The following EXOC6B variants were observed in gnomAD, a reference collection of about 807,000 sequenced individuals.
EXOC6B encodes the protein SEC15 homolog B.
Under a neutral mutation model 113.5 loss-of-function variants are expected in EXOC6B, and 54 were observed. The ratio of observed to expected loss-of-function variants is 0.48; its 90% CI spans 0.38 to 0.60. The LOEUF (loss-of-function observed/expected upper bound fraction) is 0.60. EXOC6B is among the 20% of genes least tolerant of loss of function. The pLI, the probability that EXOC6B is intolerant of heterozygous loss-of-function variation, is 0.00. For synonymous variants in EXOC6B, 357 were observed against 339.0 expected, an observed-to-expected ratio of 1.05 and a Z score of -0.58; for missense variants, 797 against 977.5, an observed-to-expected ratio of 0.82 and a Z score of 2.46.
chr2:72,588,184 T>C (rs1239415080), intron 6 of EXOC6B, among the ~76,000 whole-genome samples: 2 of 152,094 alleles, frequency 1.3e-5, no homozygotes, highest in Non-Finnish European at 2.9e-5. Flanking sequence ...TCTGGTTAAA[T>C]ATCCAAAGAA....
At chr2:72,265,953 G>C (rs1310199572) in intron 20 of EXOC6B, among the ~76,000 whole-genome samples, 1 of 151,764 alleles carries the variant, frequency 6.6e-6, no homozygotes, top group Non-Finnish European at 1.5e-5. Flanking sequence ...ATTCTAACTG[G>C]TGTGAGATGG....
chr2:72,658,350 C>T (rs1674763907), intron 6 of EXOC6B, among the ~76,000 whole-genome samples: 1 of 134,520 alleles, frequency 7.4e-6, no homozygotes, highest in African/African-American at 2.8e-5. Flanking sequence ...CCAAAAAAAG[C>T]TCAATAATTT....
intron 1 of EXOC6B, among the ~76,000 whole-genome samples, chr2:72,799,238 T>TTA (rs1559011691): frequency 4.6e-5 from 2 of 43,036 alleles, no homozygotes; most frequent in African/African-American, 4.0e-4. Flanking sequence ...AGACCCTGTC[T>TTA]CAAAAAAAAA....
intron 18 of EXOC6B, among the ~76,000 whole-genome samples, chr2:72,460,046 A>T: frequency 6.6e-6 from 1 of 151,978 alleles, no homozygotes; most frequent in Non-Finnish European, 1.5e-5. Context: ...CTCAGAAATA[A>T]CGCTGCATAT....
intron 20 of EXOC6B, among the ~76,000 whole-genome samples, chr2:72,333,860 G>A (rs1478449869): frequency 6.6e-6 from 1 of 152,026 alleles, no homozygotes; most frequent in Non-Finnish European, 1.5e-5. Context: ...AAGGATTCAG[G>A]GGTAGCTCAG....
rs541524565 is a variant in EXOC6B at position 72,288,048 on chromosome 2, AG to A, written c.2196+46898del. On this transcript the variant is annotated intron_variant, in intron 20 of 21. Transcript: ENST00000272427. The stretch of plus-strand genomic sequence containing the variant: ...GACATGAAATGGTACTTCAAAAATA[AG>A]GTATCAAAATGGCCAATTAACATAT... Among the ~76,000 whole-genome samples, 36 of 152,306 alleles carry A rather than the reference AG, an allele frequency of 2.4e-4. No homozygotes were observed. The South Asian group carries it at 7.2e-3, about 31-fold the overall frequency.
At chr2:72,252,314 G>A (rs1683073932) in intron 20 of EXOC6B, among the ~76,000 whole-genome samples, 1 of 151,940 alleles carries the variant, frequency 6.6e-6, no homozygotes. Context: ...TGTGTTTGGG[G>A]GCTGATGAAA....
At chr2:72,428,296 G>A (rs567281616) in intron 18 of EXOC6B, among the ~76,000 whole-genome samples, 88 of 152,332 alleles carry the variant, frequency 5.8e-4, no homozygotes, top group Non-Finnish European at 1.0e-3. Flanking sequence ...GCCCTTGGGG[G>A]AACCCAGACC....
At chr2:72,760,079 TA>T (rs1682651250) in intron 1 of EXOC6B, among the ~76,000 whole-genome samples, 1 of 152,238 alleles carries the variant, frequency 6.6e-6, no homozygotes, top group Admixed American at 6.5e-5. Context: ...TGTTTAATAT[TA>T]AGCTGTATTA....
chr2:72,515,452 A>G lies in EXOC6B; in HGVS notation c.916-326T>C, dbSNP rs963225802. 1.6e-5 allele frequency: 18 copies of G among 1,096,724 alleles called. No individual in the cohort carries two copies. The East Asian group carries it at 5.3e-4, about 33-fold the overall frequency. The allele number at this position is 1,096,724 out of a possible 1,614,324, so 67.9% of individuals were successfully genotyped here. A position where few individuals can be genotyped will look rare whatever the true frequency, so the allele number is the denominator to read the frequency against. ...GAAACCAACCTTTCCATAAGTTATG[A>G]TAACAGGTAAGAAAATGCTCCTTAA... is the stretch of plus-strand genomic sequence containing the variant. On this transcript the variant is annotated intron_variant, in intron 8 of 21. Coordinates refer to ENST00000272427, the MANE Select transcript of EXOC6B (RefSeq NM_015189.3).
At position 72,471,342 on chromosome 2, in the gene EXOC6B, T is replaced by C. The variant is rs530462849; in HGVS notation, c.1801-6003A>G. Among the ~76,000 whole-genome samples, 637 of 151,254 alleles carry C rather than the reference T, an allele frequency of 4.2e-3. 5 individuals are homozygous for C. Among genetic ancestry groups the C allele is most frequent in the Non-Finnish European group, 6.3e-3 (425 of 67,416 alleles). ...TTTTTCTTGTAAATTTGTTTGAGTT[T>C]ATTGTAGATTCTGGATATTAGCCCT... On this transcript the variant is annotated intron_variant, in intron 17 of 21. Transcript: ENST00000272427.
At chr2:72,750,203 T>C (rs1681954306) in intron 1 of EXOC6B, among the ~76,000 whole-genome samples, 1 of 151,882 alleles carries the variant, frequency 6.6e-6, no homozygotes, top group African/African-American at 2.4e-5. Context: ...GTGACCACAA[T>C]TTAAAACTCT....
intron 6 of EXOC6B, among the ~76,000 whole-genome samples, chr2:72,617,139 C>G (rs935996388): frequency 1.3e-5 from 2 of 152,234 alleles, no homozygotes; most frequent in Admixed American, 1.3e-4. Context: ...CCAGGTCACT[C>G]TAATGCCAGA....
At chr2:72,618,553 G>A (rs1671544900) in intron 6 of EXOC6B, among the ~76,000 whole-genome samples, 1 of 151,986 alleles carries the variant, frequency 6.6e-6, no homozygotes, top group South Asian at 2.1e-4. Flanking sequence ...CTTCATTAAT[G>A]AACATTCTCC....
chr2:72,313,706 T>C (rs1186522195), intron 20 of EXOC6B, among the ~76,000 whole-genome samples: 1 of 152,190 alleles, frequency 6.6e-6, no homozygotes, highest in Non-Finnish European at 1.5e-5. Flanking sequence ...CTGAAACCTA[T>C]GCTGTCCAGC....
At chr2:72,805,120 A>G (rs909476821) in intron 1 of EXOC6B, among the ~76,000 whole-genome samples, 15 of 152,218 alleles carry the variant, frequency 9.9e-5, no homozygotes, top group African/African-American at 3.6e-4. Context: ...TGATCTAAGC[A>G]ATATGGGACT....
At chr2:72,640,079 A>G (rs2104334574) in intron 6 of EXOC6B, among the ~76,000 whole-genome samples, 1 of 152,334 alleles carries the variant, frequency 6.6e-6, no homozygotes, top group African/African-American at 2.4e-5. Flanking sequence ...ATTGAGCTAC[A>G]GGAGTATGTT....
chr2:72,509,259 A>G (rs1010755791), intron 11 of EXOC6B, among the ~76,000 whole-genome samples: 1 of 152,136 alleles, frequency 6.6e-6, no homozygotes, highest in Non-Finnish European at 1.5e-5. Context: ...GGACACCTTA[A>G]TCTCTGACTT....
chr2:72,511,735 T>G (rs1700911127), intron 11 of EXOC6B, among the ~76,000 whole-genome samples: 1 of 152,124 alleles, frequency 6.6e-6, no homozygotes, highest in African/African-American at 2.4e-5. Flanking sequence ...ATCTACCTAC[T>G]TCTCTTTTCT....
Sources: allele counts gnomAD v4.1 joint callset (sites outside exome capture counted in the v4.1 genomes callset), GRCh38; gene constraint gnomAD v4.1.1; transcripts MANE v1.5; gene names NCBI Gene and HGNC (gene_info 2026-07-23, HGNC 2026-07-21).